Variants in ATP23 observed in about 807,000 individuals in gnomAD.
ATP23 encodes ATP23 metallopeptidase and ATP synthase assembly factor homolog.
ATP23 carries 24 observed loss-of-function variants against 28.5 expected under a neutral mutation model. The observed-to-expected ratio is 0.84, with a 90% confidence interval of 0.61 to 1.18. The LOEUF is 1.18. Among genes scored for constraint, ATP23 ranks in the 50% most tolerant of loss-of-function variants. The pLI, the probability that ATP23 is intolerant of heterozygous loss-of-function variation, is 0.00. For missense variants in ATP23, 274 were observed against 306.4 expected, an observed-to-expected ratio of 0.89 and a Z score of 0.79; for synonymous variants, 99 against 108.6, an observed-to-expected ratio of 0.91 and a Z score of 0.55.
In ATP23 at chr12:57,954,912, G is replaced by A. The variant is rs988446949; in HGVS notation, c.537+1223G>A. Among the ~76,000 whole-genome samples, 16 of 152,032 alleles carry A rather than the reference G, an allele frequency of 1.1e-4. 1 individual carries two copies. The highest frequency in any genetic ancestry group is 8.5e-4 in the Admixed American group (13 of 15,272). On this transcript the variant is annotated intron_variant, in intron 5 of 5. Transcript: ENST00000300145. ...AAGAAAAGCCTTCTGCCTGGAAAGG[G>A]TGATTACTCTAGACAGTGAGGTGTT...
At chr12:57,946,928 C>T in intron 2 of ATP23, 67 bp from the exon 3 acceptor site, 1 of 1,444,172 alleles carries the variant, frequency 6.9e-7, no homozygotes, top group South Asian at 1.2e-5. Context: ...TCTCCTGAGC[C>T]CTGGCCCAGG....
intron 3 of ATP23, among the ~76,000 whole-genome samples, chr12:57,950,373 C>T (rs1052018849): frequency 3.3e-5 from 5 of 152,092 alleles, no homozygotes; most frequent in Non-Finnish European, 5.9e-5. Context: ...CCTCCCTCTA[C>T]GCTTTGCATA....
In ATP23 at chr12:57,951,749, G is replaced by A; in HGVS notation, c.316-9G>A. On this transcript the variant is annotated splice_polypyrimidine_tract_variant and intron_variant, in intron 3 of 5. Transcript: ENST00000300145. ...ATCACTGAACTTCTTTTATTTTGGT[G>A]TCTCCTAGATAGTTTTGTGCCAGAA... 1 of 1,610,682 alleles carries A rather than the reference G, an allele frequency of 6.2e-7. No individual in the cohort carries two copies. Among genetic ancestry groups the A allele is most frequent in the Non-Finnish European group, 8.5e-7 (1 of 1,177,552 alleles).
rs1346501892 is a variant in ATP23, at chr12:57,941,827, C to CT, written c.127dup (p.Ser43PhefsTer13). The CT allele has an allele frequency of 6.2e-7, 1 of 1,612,942 alleles. No individual in the cohort carries two copies. The highest frequency in any genetic ancestry group is 1.7e-5 in the Admixed American group (1 of 59,884). On this transcript the variant is annotated frameshift_variant, in exon 1 of 6. Transcript: ENST00000300145. LOFTEE classifies it high-confidence loss of function. ...AGGGGAATCCCCAGCAAGGGTTCTT[C>CT]TCCAGCTTCTTCACCAGCAACCAGA...
chr12:57,956,997 A>C lies in ATP23; in HGVS notation c.*107A>C. The C allele has an allele frequency of 1.1e-6, 1 of 903,688 alleles. No homozygotes were observed. Among genetic ancestry groups the C allele is most frequent in the Non-Finnish European group, 1.6e-6 (1 of 642,986 alleles). 56.0% of individuals were successfully genotyped at this position (903,688 alleles called of 1,614,324 possible). A position where few individuals can be genotyped will look rare whatever the true frequency, so the allele number is the denominator to read the frequency against. On this transcript the variant is annotated 3_prime_UTR_variant, in exon 6 of 6. Transcript: ENST00000300145. ...AATGTAAACAATCCCTACAATCCAG[A>C]TAAAACAGAGAAGACTGTGATTCTA... is the stretch of plus-strand genomic sequence containing the variant.
rs1956883280 is a variant in ATP23 at position 57,957,839 on chromosome 12, T to A, written c.*949T>A. 6.6e-6 allele frequency among the ~76,000 whole-genome samples: 1 copy of A among 152,044 alleles called. No homozygotes were observed. On this transcript the variant is annotated 3_prime_UTR_variant, in exon 6 of 6. Transcript: ENST00000300145. ...GTAAAACTCCACAGGGAGAAGGACA[T>A]CTCTAGCTGAACTTTGTAACTATTT...
chr12:57,955,585 G>T (rs1956858910), intron 5 of ATP23, among the ~76,000 whole-genome samples: 1 of 152,184 alleles, frequency 6.6e-6, no homozygotes, highest in Admixed American at 6.5e-5. Flanking sequence ...TGTCTGAAAA[G>T]AAGTAAATCT....
At chr12:57,945,517 C>G in intron 1 of ATP23, 111 bp from the exon 2 acceptor site, 1 of 866,846 alleles carries the variant, frequency 1.2e-6, no homozygotes, top group Admixed American at 2.0e-5. Flanking sequence ...CAGGCATGAG[C>G]CACTGCATCT....
chr12:57,949,974 AT>A (rs1956799176), intron 3 of ATP23: 1 of 151,858 alleles, frequency 6.6e-6, no homozygotes, highest in Admixed American at 6.6e-5. Flanking sequence ...GATACCCCTG[AT>A]TCCTTCCCCG....
chr12:57,954,829 G>A (rs1035414621), intron 5 of ATP23, among the ~76,000 whole-genome samples: 6 of 152,182 alleles, frequency 3.9e-5, no homozygotes, highest in Non-Finnish European at 7.3e-5. Flanking sequence ...TCTGGAGTGG[G>A]GGGTGGAAAG....
At chr12:57,953,794 G>C in intron 5 of ATP23, 105 bp downstream of exon 5, 1 of 1,013,276 alleles carries the variant, frequency 9.9e-7, no homozygotes, top group Admixed American at 2.2e-5. Context: ...AAAGAACTTC[G>C]TATGTGAAAA....
chr12:57,950,598 C>T (rs1956806154), intron 3 of ATP23, among the ~76,000 whole-genome samples: 1 of 151,718 alleles, frequency 6.6e-6, no homozygotes, highest in South Asian at 2.1e-4. Context: ...GTTCCTGGCT[C>T]ACTGCAGCAC....
At position 57,951,756 on chromosome 12, in the gene ATP23, A is replaced by T. The variant is rs748455329; in HGVS notation, c.316-2A>T. ...AACTTCTTTTATTTTGGTGTCTCCT[A>T]GATAGTTTTGTGCCAGAATAATATC... is the stretch of plus-strand genomic sequence containing the variant. On this transcript the variant is annotated splice_acceptor_variant, in intron 3 of 5. Coordinates refer to ENST00000300145, the MANE Select transcript of ATP23 (RefSeq NM_033276.4). LOFTEE classifies it high-confidence loss of function. 2.5e-6 allele frequency: 4 copies of T among 1,613,912 alleles called. No homozygotes were observed. Among genetic ancestry groups the T allele is most frequent in the Non-Finnish European group, 3.4e-6 (4 of 1,179,936 alleles).
At chr12:57,955,779 C>A (rs1460674176) in intron 5 of ATP23, among the ~76,000 whole-genome samples, 2 of 152,116 alleles carry the variant, frequency 1.3e-5, no homozygotes, top group Non-Finnish European at 2.9e-5. Context: ...TAGTAAAATT[C>A]AGGTTGAGAA....
intron 3 of ATP23, among the ~76,000 whole-genome samples, chr12:57,950,146 T>C (rs1956800709): frequency 1.3e-5 from 2 of 152,204 alleles, no homozygotes; most frequent in South Asian, 2.1e-4. Flanking sequence ...CTTCCAACTA[T>C]AGTTAAAAGG....
intron 5 of ATP23, among the ~76,000 whole-genome samples, chr12:57,955,797 A>G (rs999866727): frequency 1.3e-5 from 2 of 152,220 alleles, no homozygotes; most frequent in African/African-American, 4.8e-5. Context: ...GAAACACTAT[A>G]TTCCAATGTT....
chr12:57,944,724 T>C (rs1358746626), intron 1 of ATP23, among the ~76,000 whole-genome samples: 1 of 152,222 alleles, frequency 6.6e-6, no homozygotes, highest in Admixed American at 6.5e-5. Context: ...TTTGAAGAAA[T>C]ATTAACTGAA....
intron 3 of ATP23, among the ~76,000 whole-genome samples, chr12:57,948,010 A>G (rs1367360967): frequency 2.0e-5 from 3 of 152,216 alleles, no homozygotes; most frequent in Non-Finnish European, 4.4e-5. Flanking sequence ...AAGGATGAGA[A>G]GTCTAGATTT....
At chr12:57,945,068 G>A (rs953243689) in intron 1 of ATP23, among the ~76,000 whole-genome samples, 5 of 152,118 alleles carry the variant, frequency 3.3e-5, no homozygotes, top group Non-Finnish European at 5.9e-5. Flanking sequence ...GTAATACAAC[G>A]TGTTTGATCA....
Sources: gnomAD v4.1 joint callset for allele counts (sites outside exome capture counted in the v4.1 genomes callset) on GRCh38, gnomAD v4.1.1 for gene constraint, MANE v1.5 for transcripts, NCBI Gene and HGNC (gene_info 2026-07-23, HGNC 2026-07-21) for gene names.